The following M1AP variants were observed in gnomAD, a reference collection of about 807,000 sequenced individuals.
The protein encoded by M1AP is meiosis 1 associated protein.
In M1AP, 39 loss-of-function variants were observed where a neutral mutation model predicts 51.2. The observed-to-expected ratio is 0.76, with a 90% CI of 0.59 to 1.00. M1AP has a LOEUF of 1.00. M1AP is among the 50% of genes least tolerant of loss of function. The probability of loss-of-function intolerance (pLI) is 0.00; values close to 1 mark genes in which losing one functional copy is unlikely to be tolerated. For synonymous variants in M1AP, 251 were observed against 249.2 expected (o/e 1.01, Z -0.07); for missense variants, 545 against 641.2 (o/e 0.85, Z 1.62).
chr2:74,602,021 A>C (rs995556794), intron 4 of M1AP, among the ~76,000 whole-genome samples: 1 of 152,198 alleles, frequency 6.6e-6, no homozygotes, highest in African/African-American at 2.4e-5. Context: ...GACTATAGAT[A>C]ATTTGTATTT....
rs1681362214 is a variant in M1AP, at chr2:74,611,813, C to G, written c.426+3151G>C. On this transcript the variant is annotated intron_variant, in intron 3 of 10. Coordinates refer to ENST00000421985, the MANE Select transcript of M1AP (RefSeq NM_001321739.2). ...CGCCATTGCACTCCAGCCTGGGCAA[C>G]AAGAGCAAAACTCCATCTCAAAACA... Among the ~76,000 whole-genome samples the G allele has an allele frequency of 5.6e-5, 7 of 125,446 alleles. 1 individual carries two copies. Among genetic ancestry groups the G allele is most frequent in the Non-Finnish European group, 1.6e-5 (1 of 60,832 alleles). The allele number at this position is 125,446 out of a possible 152,430, so 82.3% of individuals were successfully genotyped here. A position where few individuals can be genotyped will look rare whatever the true frequency, so the allele number is the denominator to read the frequency against.
chr2:74,577,519 T>G (rs954010427), intron 5 of M1AP, among the ~76,000 whole-genome samples: 3 of 152,176 alleles, frequency 2.0e-5, no homozygotes, highest in African/African-American at 7.2e-5. Flanking sequence ...GCTAGTGACT[T>G]GTGAAATGAC....
chr2:74,576,529 T>C lies in M1AP; in HGVS notation c.859A>G (p.Lys287Glu), dbSNP rs1464577557. 1.2e-6 allele frequency: 2 copies of C among 1,613,902 alleles called. No homozygotes were observed. Among genetic ancestry groups the C allele is most frequent in the African/African-American group, 2.7e-5 (2 of 74,920 alleles). Residue 287 changes from lysine (K) to glutamate (E), a missense_variant, in exon 6 of 11, where the codon AAA (lysine) becomes GAA (glutamate). By Grantham distance (56) the Lys-to-Glu change is moderately conservative. Transcript: ENST00000421985. The stretch of plus-strand genomic sequence containing the variant: ...TGGTAGAGTGTGATGAAGTCTCCTT[T>C]AGGGTCATCCATTCTCAAGGAGCCG... ...ADGSLRMDDP[K>E]GDFITLYQMA...
chr2:74,582,901 ATTCC>A (rs2104594998), intron 4 of M1AP, among the ~76,000 whole-genome samples: 1 of 152,194 alleles, frequency 6.6e-6, no homozygotes, highest in African/African-American at 2.4e-5. Flanking sequence ...GGCACCTGTA[ATTCC>A]AGCTACGTGG....
At chr2:74,596,371 A>G (rs1680334792) in intron 4 of M1AP, among the ~76,000 whole-genome samples, 1 of 152,206 alleles carries the variant, frequency 6.6e-6, no homozygotes, top group East Asian at 1.9e-4. Flanking sequence ...TCATGAGGTC[A>G]GGAGATAGAG....
chr2:74,640,313 G>A lies in M1AP; in HGVS notation c.-38C>T. On this transcript the variant is annotated 5_prime_UTR_variant, in exon 2 of 11. Transcript: ENST00000421985. ...AGAGGGGGAACTGTAGCCACCAGCT[G>A]GATATTCTTTACACCTATAGGGAAG... is the stretch of plus-strand genomic sequence containing the variant. 1.2e-6 allele frequency: 2 copies of A among 1,611,012 alleles called. No individual in the cohort carries two copies. The highest frequency in any genetic ancestry group is 8.5e-7 in the Non-Finnish European group (1 of 1,178,482).
chr2:74,607,404 C>A (rs1236110346), intron 3 of M1AP, among the ~76,000 whole-genome samples, 181 bp from the exon 4 acceptor site: 4 of 152,200 alleles, frequency 2.6e-5, no homozygotes, highest in African/African-American at 9.6e-5. Flanking sequence ...TCTTGTGGGA[C>A]AGGTTATCAC....
intron 4 of M1AP, among the ~76,000 whole-genome samples, chr2:74,589,469 T>C (rs946629031): frequency 2.0e-5 from 3 of 152,224 alleles, no homozygotes; most frequent in African/African-American, 4.8e-5. Flanking sequence ...TTCCTTTTTC[T>C]TTCTCTTTTT....
At chr2:74,627,261 C>G (rs1308867708) in intron 2 of M1AP, among the ~76,000 whole-genome samples, 1 of 151,952 alleles carries the variant, frequency 6.6e-6, no homozygotes, top group Non-Finnish European at 1.5e-5. Context: ...AGTATTTGAT[C>G]ATTTTGGTTA....
chr2:74,586,344 A>G (rs920045215), intron 4 of M1AP, among the ~76,000 whole-genome samples: 2 of 152,178 alleles, frequency 1.3e-5, no homozygotes, highest in Non-Finnish European at 2.9e-5. Context: ...AGCTTAGCAA[A>G]TGCCTGAGTT....
chr2:74,558,899 T>C (rs1288575251), intron 10 of M1AP, 25 bp from the exon 11 acceptor site: 1 of 1,561,558 alleles, frequency 6.4e-7, no homozygotes, highest in Non-Finnish European at 8.6e-7. Context: ...ACCAGAGCCT[T>C]CTCTGAAGAT....
chr2:74,568,778 C>T (rs1338312895), intron 7 of M1AP, among the ~76,000 whole-genome samples: 1 of 152,142 alleles, frequency 6.6e-6, no homozygotes, highest in Non-Finnish European at 1.5e-5. Context: ...CATAATACAC[C>T]AGGCTTTCAG....
At chr2:74,621,881 G>A (rs1350884975) in intron 2 of M1AP, among the ~76,000 whole-genome samples, 9 of 151,738 alleles carry the variant, frequency 5.9e-5, no homozygotes, top group African/African-American at 1.9e-4. Context: ...GCTGAGGTGG[G>A]TGGATCACTT....
intron 9 of M1AP, among the ~76,000 whole-genome samples, chr2:74,559,922 CACT>C (rs1677789348): frequency 6.6e-6 from 1 of 152,226 alleles, no homozygotes; most frequent in Non-Finnish European, 1.5e-5. Context: ...CTATCATAAA[CACT>C]ACAATTAAAA....
intron 2 of M1AP, among the ~76,000 whole-genome samples, chr2:74,616,243 G>C (rs1210317498): frequency 6.6e-6 from 1 of 152,154 alleles, no homozygotes; most frequent in African/African-American, 2.4e-5. Flanking sequence ...AAAAGAATCT[G>C]AGAAACAATG....
intron 4 of M1AP, among the ~76,000 whole-genome samples, chr2:74,606,055 C>A (rs974504448): frequency 2.0e-5 from 3 of 152,086 alleles, no homozygotes; most frequent in African/African-American, 7.2e-5. Flanking sequence ...TCTGCCCAGC[C>A]GGGGGAACAG....
At chr2:74,585,956 AC>A (rs904354308) in intron 4 of M1AP, among the ~76,000 whole-genome samples, 1 of 152,150 alleles carries the variant, frequency 6.6e-6, no homozygotes, top group African/African-American at 2.4e-5. Context: ...TCAAGAGCAC[AC>A]ACTGCCTTCT....
At chr2:74,611,756 C>T (rs1024528640) in intron 3 of M1AP, among the ~76,000 whole-genome samples, 3 of 150,722 alleles carry the variant, frequency 2.0e-5, no homozygotes, top group East Asian at 4.0e-4. Context: ...TGCTTGAACA[C>T]GGGAGGTGGA....
intron 4 of M1AP, among the ~76,000 whole-genome samples, chr2:74,583,758 C>T (rs1222734135): frequency 2.0e-5 from 3 of 152,236 alleles, no homozygotes; most frequent in Admixed American, 6.5e-5. Flanking sequence ...AGGTGGCAGA[C>T]TTTCCACAGG....
Sources: allele counts gnomAD v4.1 joint callset (sites outside exome capture counted in the v4.1 genomes callset), GRCh38; gene constraint gnomAD v4.1.1; transcripts MANE v1.5; gene names NCBI Gene and HGNC (gene_info 2026-07-23, HGNC 2026-07-21).